The following CYSTM1 variants were observed in gnomAD, a reference collection of about 807,000 sequenced individuals.
CYSTM1 encodes cysteine-rich transmembrane module-containing protein 1.
In CYSTM1, 4 loss-of-function variants were observed where a neutral mutation model predicts 13.1. That is an observed-to-expected ratio of 0.31 (90% CI 0.15 to 0.70). The LOEUF (loss-of-function observed/expected upper bound fraction) is 0.70, where lower values mean the gene tolerates loss of function less well. Ranked by LOEUF, CYSTM1 falls within the 30% of genes least tolerant of loss-of-function variation. The pLI is 0.72. For missense variants in CYSTM1, 96 were observed against 121.6 expected, an observed-to-expected ratio of 0.79 and a Z score of 0.99; for synonymous variants, 36 against 42.7, an observed-to-expected ratio of 0.84 and a Z score of 0.62.
intron 1 of CYSTM1, among the ~76,000 whole-genome samples, chr5:140,193,819 A>G (rs1416298714): frequency 6.6e-6 from 1 of 152,122 alleles, no homozygotes; most frequent in African/African-American, 2.4e-5. Flanking sequence ...GGCAGAGGAG[A>G]CGCTTGGCAT....
chr5:140,190,599 AC>A (rs138608863), intron 1 of CYSTM1, among the ~76,000 whole-genome samples: 2,218 of 152,262 alleles, frequency 0.015, 27 homozygotes, highest in Non-Finnish European at 0.024. Context: ...TTTAAAAAAA[AC>A]AACATTGAAA....
chr5:140,212,544 T>C (rs1214191371), intron 2 of CYSTM1, among the ~76,000 whole-genome samples: 1 of 152,060 alleles, frequency 6.6e-6, no homozygotes, highest in Non-Finnish European at 1.5e-5. Context: ...TGGGCTCAGG[T>C]GATCCTCCCA....
intron 2 of CYSTM1, among the ~76,000 whole-genome samples, chr5:140,197,778 T>C (rs1470082213): frequency 8.7e-6 from 1 of 115,258 alleles, no homozygotes. Flanking sequence ...CATATTATGT[T>C]AATGGATACA....
intron 1 of CYSTM1, among the ~76,000 whole-genome samples, chr5:140,180,569 T>G (rs1763950892): frequency 6.6e-6 from 1 of 152,236 alleles, no homozygotes; most frequent in Non-Finnish European, 1.5e-5. Flanking sequence ...TCACACCATT[T>G]TGGGCACTAC....
At chr5:140,213,170 G>A (rs1363172372) in intron 2 of CYSTM1, among the ~76,000 whole-genome samples, 2 of 151,292 alleles carry the variant, frequency 1.3e-5, no homozygotes, top group Admixed American at 6.6e-5. Context: ...GGGACAAGAT[G>A]TGGAAGTGGA....
At position 140,243,472 on chromosome 5, in the gene CYSTM1, G is replaced by A; in HGVS notation, c.*61G>A. 7.0e-7 allele frequency: 1 copy of A among 1,425,642 alleles called. No individual in the cohort carries two copies. The highest frequency in any genetic ancestry group is 9.8e-7 in the Non-Finnish European group (1 of 1,022,190). 88.3% of individuals were successfully genotyped at this position (1,425,642 alleles called of 1,614,324 possible). A position where few individuals can be genotyped will look rare whatever the true frequency, so the allele number is the denominator to read the frequency against. ...GCTGCCACCTCTGACAGGTGTGCCT[G>A]CCCCCATCTCTTCTGATTGCTGTTA... On this transcript the variant is annotated 3_prime_UTR_variant, in exon 3 of 3. Transcript: ENST00000261811.
At chr5:140,234,784 C>T (rs1215776678) in intron 2 of CYSTM1, among the ~76,000 whole-genome samples, 1 of 152,174 alleles carries the variant, frequency 6.6e-6, no homozygotes. Flanking sequence ...TCTTCCTGTG[C>T]CTCACTTCTG....
chr5:140,178,626 G>C (rs576011858), intron 1 of CYSTM1, among the ~76,000 whole-genome samples: 1 of 150,842 alleles, frequency 6.6e-6, no homozygotes, highest in Non-Finnish European at 1.5e-5. Context: ...TTTGAGACAG[G>C]TTCTGGCTCT....
chr5:140,175,820 T>C lies in CYSTM1; in HGVS notation c.-21+535T>C, dbSNP rs1581055164. Among the ~76,000 whole-genome samples, 1 of 151,906 alleles carries C rather than the reference T, an allele frequency of 6.6e-6. No individual in the cohort carries two copies. The highest frequency in any genetic ancestry group is 1.5e-5 in the Non-Finnish European group (1 of 67,972). Reference sequence around the variant, plus strand: ...CAAAGCCGGCGCTCGGAGGCCGGGGTGTTCAGAGAAGGCGTTGCGGGGGAA... The same window carrying C: ...CAAAGCCGGCGCTCGGAGGCCGGGGCGTTCAGAGAAGGCGTTGCGGGGGAA... On this transcript the variant is annotated intron_variant, in intron 1 of 2. Transcript: ENST00000261811. This position sits in a 1 kb window ranked among gnomAD's most constrained non-coding sequence, Gnocchi z 4.9.
chr5:140,177,078 A>AAAAAAAAAAAAAAAAAAAAAAAC (rs10679899), intron 1 of CYSTM1, among the ~76,000 whole-genome samples: 1 of 135,544 alleles, frequency 7.4e-6, no homozygotes, highest in Non-Finnish European at 1.6e-5. Flanking sequence ...CAAAAAAAAA[A>AAAAAAAAAAAAAAAAAAAAAAAC]AAAAAAAAAT....
chr5:140,213,648 T>C (rs1415752474), intron 2 of CYSTM1, among the ~76,000 whole-genome samples: 1 of 152,240 alleles, frequency 6.6e-6, no homozygotes, highest in Non-Finnish European at 1.5e-5. Flanking sequence ...TTTTATCTTT[T>C]ATACCACATT....
intron 1 of CYSTM1, among the ~76,000 whole-genome samples, chr5:140,192,008 G>A (rs1764100803): frequency 6.6e-6 from 1 of 152,164 alleles, no homozygotes; most frequent in South Asian, 2.1e-4. Context: ...GCAGACCAGA[G>A]CGCAGAGAAG....
rs1470430456 is a variant in CYSTM1 at position 140,219,972 on chromosome 5, T to C, written c.188-23333T>C. ...CACTCAAAGTAACTTCTCTCTTTTT[T>C]TTTTCTGTAACCCAGTGCCTGAAAA... On this transcript the variant is annotated intron_variant, in intron 2 of 2. Coordinates refer to ENST00000261811, the MANE Select transcript of CYSTM1 (RefSeq NM_032412.4). The surrounding 1 kb of genome is among the most constrained non-coding windows in gnomAD (Gnocchi z 4.1). Among the ~76,000 whole-genome samples, 1 of 152,194 alleles carries C rather than the reference T, an allele frequency of 6.6e-6. No homozygotes were observed. The highest frequency in any genetic ancestry group is 1.5e-5 in the Non-Finnish European group (1 of 68,036).
At position 140,194,650 on chromosome 5, in the gene CYSTM1, C is replaced by T; in HGVS notation, c.185C>T (p.Thr62Ile). The T allele has an allele frequency of 6.2e-7, 1 of 1,611,052 alleles. No individual in the cohort carries two copies. The highest frequency in any genetic ancestry group is 8.5e-7 in the Non-Finnish European group (1 of 1,179,016). ...GGACCTCAGGAGCCTCCTAAAACCA[C>T]AGGTGTGTGTCTCTGAATATGTGGG... Reference protein sequence around the residue: ...QGGPQEPPKTTVYVVEDQRRD... With the variant: ...QGGPQEPPKTIVYVVEDQRRD... The change falls in exon 2 of 3, where the codon ACA (threonine) becomes ATA (isoleucine). Residue 62 changes from threonine (T) to isoleucine (I), a missense_variant and splice_region_variant. Transcript: ENST00000261811.
chr5:140,192,254 T>C (rs1764103697), intron 1 of CYSTM1, among the ~76,000 whole-genome samples: 1 of 152,214 alleles, frequency 6.6e-6, no homozygotes, highest in African/African-American at 2.4e-5. Flanking sequence ...CCACATTTTC[T>C]AAAAATCATT....
intron 2 of CYSTM1, among the ~76,000 whole-genome samples, chr5:140,234,734 T>C (rs933500779): frequency 1.1e-4 from 17 of 152,214 alleles, no homozygotes; most frequent in African/African-American, 3.1e-4. Flanking sequence ...GGCCGGGTTA[T>C]GCTCTGAGTC....
chr5:140,175,684 C>T lies in CYSTM1; in HGVS notation c.-21+399C>T, dbSNP rs763722933. On this transcript the variant is annotated intron_variant, in intron 1 of 2. Coordinates refer to ENST00000261811, the MANE Select transcript of CYSTM1 (RefSeq NM_032412.4). This position sits in a 1 kb window ranked among gnomAD's most constrained non-coding sequence, Gnocchi z 4.9. The stretch of plus-strand genomic sequence containing the variant: ...TCGCCTTGGGCTGCGATTTCTGAGG[C>T]GCTGCTCTGCCTATTCCGAGCTGGG... Among the ~76,000 whole-genome samples, 2 of 152,230 alleles carry T rather than the reference C, an allele frequency of 1.3e-5. No homozygotes were observed. The highest frequency in any genetic ancestry group is 4.8e-5 in the African/African-American group (2 of 41,462).
chr5:140,199,659 T>C (rs1184171704), intron 2 of CYSTM1, among the ~76,000 whole-genome samples: 5 of 152,192 alleles, frequency 3.3e-5, no homozygotes, highest in African/African-American at 4.8e-5. Flanking sequence ...GCTGTAATTT[T>C]TGTATTTTTA....
chr5:140,197,161 G>A (rs1764168377), intron 2 of CYSTM1, among the ~76,000 whole-genome samples: 1 of 152,148 alleles, frequency 6.6e-6, no homozygotes. Flanking sequence ...CATTTGATGA[G>A]TTTAGAACTT....
Sources: allele counts gnomAD v4.1 joint callset (sites outside exome capture counted in the v4.1 genomes callset), GRCh38; gene constraint gnomAD v4.1.1; non-coding constraint Gnocchi (gnomAD v3.1); transcripts MANE v1.5; gene names NCBI Gene and HGNC (gene_info 2026-07-23, HGNC 2026-07-21).